The following GLS2 variants were observed in gnomAD, a reference collection of about 807,000 sequenced individuals.
GLS2 encodes glutaminase liver isoform, mitochondrial.
GLS2 carries 52 observed loss-of-function variants against 79.0 expected under a neutral mutation model. The ratio of observed to expected loss-of-function variants is 0.66; its 90% confidence interval spans 0.53 to 0.83. The LOEUF (loss-of-function observed/expected upper bound fraction) is 0.83, where lower values mean the gene tolerates loss of function less well. GLS2 is among the 40% of genes least tolerant of loss of function. The pLI, the probability that GLS2 is intolerant of heterozygous loss-of-function variation, is 0.00. For synonymous variants in GLS2, 238 were observed against 280.8 expected (o/e 0.85, Z 1.52); for missense variants, 561 against 764.8 (o/e 0.73, Z 3.14).
Position 56,480,305 on chromosome 12 carries a change from T to C in GLS2, c.265A>G (p.Ile89Val), listed in dbSNP as rs1416537657. 1.2e-6 allele frequency: 2 copies of C among 1,613,982 alleles called. No homozygotes were observed. Among genetic ancestry groups the C allele is most frequent in the African/African-American group, 2.7e-5 (2 of 74,926 alleles). ...TIAEGQERIP[I>V]HKFTTALKAT... ...CAACTTACAGTGGTGAACTTGTGGA[T>C]AGGGATTCGTTCCTGTCCTTCAGCA... The change falls in exon 2 of 18, where the codon ATC (isoleucine) becomes GTC (valine). Residue 89 changes from isoleucine to valine, a missense_variant. Physicochemically the swap from Ile to Val is conservative, Grantham distance 29 (BLOSUM62 3). This residue lies in a region of GLS2 where 161 missense variants were observed against 167.8 expected (regional missense o/e 0.96). Coordinates refer to ENST00000311966, the MANE Select transcript of GLS2 (RefSeq NM_013267.4).
chr12:56,481,972 T>C (rs1870337465), intron 1 of GLS2, among the ~76,000 whole-genome samples: 1 of 152,072 alleles, frequency 6.6e-6, no homozygotes, highest in Non-Finnish European at 1.5e-5. Context: ...GGTTCACACC[T>C]GTAATCCCAG....
chr12:56,473,414 C>T (rs758828680), intron 13 of GLS2, 49 bp downstream of exon 13: 3 of 1,603,940 alleles, frequency 1.9e-6, no homozygotes, highest in Non-Finnish European at 2.6e-6. Context: ...TACCATTAAA[C>T]AAATTTATTG....
At position 56,473,543 on chromosome 12, in the gene GLS2, G is replaced by A; in HGVS notation, c.1276C>T (p.Pro426Ser). The A allele has an allele frequency of 6.2e-7, 1 of 1,613,466 alleles. No individual in the cohort carries two copies. ...AVSGAILLVV[P>S]NVMGMMCLSP... ...AGGCACATCATTCCCATGACATTGG[G>A]TACCACCAGGAGGATGGCTCCTGAT... Residue 426 changes from proline (P) to serine (S), a missense_variant, in exon 13 of 18, where the codon CCC (proline) becomes TCC (serine). Pro to Ser is a moderately conservative substitution (Grantham distance 74). Around this residue, in one of 4 missense-constraint regions of GLS2, gnomAD observed 136 missense variants for 228.6 expected, o/e 0.59. Transcript: ENST00000311966.
chr12:56,479,012 C>T, intron 4 of GLS2, 40 bp downstream of exon 4: 1 of 1,570,906 alleles, frequency 6.4e-7, no homozygotes, highest in Non-Finnish European at 8.6e-7. Flanking sequence ...AAAAATCTGG[C>T]CCAGGTCCCT....
intron 15 of GLS2, chr12:56,472,420 C>A: frequency 1.6e-6 from 1 of 606,538 alleles, no homozygotes; most frequent in Non-Finnish European, 2.9e-6. Flanking sequence ...CACTGCCTAC[C>A]TGTGGTAAGT....
intron 4 of GLS2, 70 bp downstream of exon 4, chr12:56,478,982 T>G: frequency 6.9e-7 from 1 of 1,442,632 alleles, no homozygotes; most frequent in Non-Finnish European, 9.2e-7. Flanking sequence ...AAACTCTGTC[T>G]CAGGAAAAAA....
At chr12:56,487,652 G>A in intron 1 of GLS2, 1 of 502,362 alleles carries the variant, frequency 2.0e-6, no homozygotes. Context: ...AGACACGTGA[G>A]CCAAGCAACA....
intron 14 of GLS2, 134 bp from the exon 15 acceptor site, chr12:56,472,885 C>CTT (rs952399444): frequency 0.016 from 6,238 of 395,864 alleles, no homozygotes; most frequent in South Asian, 0.028. Context: ...CTGAAATATT[C>CTT]TTTTTTTTTT....
intron 12 of GLS2, chr12:56,474,263 G>C (rs1315259979): frequency 2.6e-6 from 1 of 389,684 alleles, no homozygotes; most frequent in Non-Finnish European, 4.8e-6. Context: ...CTAATTTTTT[G>C]TATTTAGTAG....
Position 56,471,379 on chromosome 12 carries a change from G to A in GLS2, c.*108C>T, listed in dbSNP as rs1445410464. On this transcript the variant is annotated 3_prime_UTR_variant, in exon 18 of 18. Coordinates refer to ENST00000311966, the MANE Select transcript of GLS2 (RefSeq NM_013267.4). ...AGCCTAAGTCACCAAATGACTGCTT[G>A]GTCCCCACTGAAGCAGTGTAGCTCT... 5.1e-6 allele frequency: 6 copies of A among 1,187,564 alleles called. No individual in the cohort carries two copies. Among genetic ancestry groups the A allele is most frequent in the Non-Finnish European group, 7.0e-6 (6 of 861,754 alleles). 73.6% of individuals were successfully genotyped at this position (1,187,564 alleles called of 1,614,324 possible).
At chr12:56,484,955 T>G (rs1017804473) in intron 1 of GLS2, among the ~76,000 whole-genome samples, 7 of 152,198 alleles carry the variant, frequency 4.6e-5, no homozygotes, top group Non-Finnish European at 8.8e-5. Context: ...AAAATTTCCT[T>G]GGAATTTATG....
Position 56,474,742 on chromosome 12 carries a change from G to A in GLS2, c.1048-22C>T, listed in dbSNP as rs761234824. On this transcript the variant is annotated intron_variant, in intron 11 of 17. Coordinates refer to ENST00000311966, the MANE Select transcript of GLS2 (RefSeq NM_013267.4). Reference sequence around the variant, plus strand: ...ACAGCTATGAAAACAAAGAATAGGTGAAGATGTGACGTGAACCTGCACATG... The same window carrying A: ...ACAGCTATGAAAACAAAGAATAGGTAAAGATGTGACGTGAACCTGCACATG... 5.6e-6 allele frequency: 9 copies of A among 1,609,472 alleles called. No individual in the cohort carries two copies. In the East Asian group the frequency reaches 1.8e-4, roughly 32 times the overall value.
At position 56,474,669 on chromosome 12, in the gene GLS2, G is replaced by A. The variant is rs779006089; in HGVS notation, c.1099C>T (p.Leu367Phe). Residue 367 changes from leucine to phenylalanine, a missense_variant, in exon 12 of 18, where the codon CTC becomes TTC. By Grantham distance (22) the Leu-to-Phe change is conservative (BLOSUM62 0). Around this residue, in one of 4 missense-constraint regions of GLS2, gnomAD observed 221 missense variants for 275.6 expected, o/e 0.80. Coordinates refer to ENST00000311966, the MANE Select transcript of GLS2 (RefSeq NM_013267.4). ...CESGSVMAAT[L>F]ANGGICPITG... ...ATGGGGCAGATCCCACCGTTGGCGA[G>A]GGTGGCTGCCATGACACTGCCTGAT... is the stretch of plus-strand genomic sequence containing the variant. 1.9e-6 allele frequency: 3 copies of A among 1,613,526 alleles called. No individual in the cohort carries two copies. Among genetic ancestry groups the A allele is most frequent in the Non-Finnish European group, 2.5e-6 (3 of 1,179,562 alleles).
rs765526501 is a variant in GLS2, at chr12:56,474,914, G to C, written c.997-18C>G. ...GGAAAGCACTGCAAGGAAGAGAGGG[G>C]AGAGCATTTCTCTTCAGGACATCAG... On this transcript the variant is annotated intron_variant, in intron 10 of 17. Transcript: ENST00000311966. 3.2e-5 allele frequency: 51 copies of C among 1,614,116 alleles called. 1 individual carries two copies. In the East Asian group the frequency reaches 1.1e-3, roughly 36 times the overall value.
chr12:56,477,841 A>C (rs1869956815), intron 6 of GLS2, 92 bp downstream of exon 6: 1 of 1,544,112 alleles, frequency 6.5e-7, no homozygotes, highest in African/African-American at 1.4e-5. Flanking sequence ...GCTAATCAGG[A>C]AGGGCAGAGA....
chr12:56,475,839 T>G, intron 8 of GLS2, 106 bp downstream of exon 8: 1 of 1,418,972 alleles, frequency 7.0e-7, no homozygotes. Flanking sequence ...GCTTCTAGTA[T>G]GGGCTGGTGC....
chr12:56,480,309 G>C lies in GLS2; in HGVS notation c.261C>G (p.Ile87Met). 1 of 1,614,090 alleles carries C rather than the reference G, an allele frequency of 6.2e-7. No homozygotes were observed. The highest frequency in any genetic ancestry group is 1.1e-5 in the South Asian group (1 of 91,082). Residue 87 changes from isoleucine to methionine, a missense_variant, in exon 2 of 18, where the codon ATC (isoleucine) becomes ATG (methionine). By Grantham distance (10) the Ile-to-Met change is conservative. Coordinates refer to ENST00000311966, the MANE Select transcript of GLS2 (RefSeq NM_013267.4). ...TTACAGTGGTGAACTTGTGGATAGG[G>C]ATTCGTTCCTGTCCTTCAGCAATAG... ...FYTIAEGQER[I>M]PIHKFTTALK...
chr12:56,484,886 A>C (rs1870563612), intron 1 of GLS2, among the ~76,000 whole-genome samples: 1 of 152,228 alleles, frequency 6.6e-6, no homozygotes, highest in South Asian at 2.1e-4. Flanking sequence ...TATTTTATGC[A>C]TAAAATATCT....
intron 1 of GLS2, among the ~76,000 whole-genome samples, chr12:56,485,712 G>C (rs901956803): frequency 1.3e-5 from 2 of 152,018 alleles, no homozygotes; most frequent in African/African-American, 4.8e-5. Flanking sequence ...TTTGTGTTGG[G>C]ATATTTTCCT....
Sources: allele counts gnomAD v4.1 joint callset (sites outside exome capture counted in the v4.1 genomes callset), GRCh38; gene constraint gnomAD v4.1.1; regional missense constraint gnomAD v4.1.1; transcripts MANE v1.5; gene names NCBI Gene and HGNC (gene_info 2026-07-23, HGNC 2026-07-21).